PPP2R2C: variants seen among roughly 807,000 people sequenced by gnomAD.
PPP2R2C encodes protein phosphatase 2, regulatory subunit B, gamma.
A neutral mutation model predicts 45.3 loss-of-function variants in PPP2R2C; 10 were observed. That is an observed-to-expected ratio of 0.22 (90% CI 0.14 to 0.37). The LOEUF (loss-of-function observed/expected upper bound fraction) is 0.37, where lower values mean the gene tolerates loss of function less well. PPP2R2C is among the 10% of genes least tolerant of loss of function. The pLI is 1.00. For missense variants in PPP2R2C, 308 were observed against 619.7 expected (o/e 0.50, Z 5.34); for synonymous variants, 257 against 245.4 (o/e 1.05, Z -0.44).
At chr4:6,339,879 G>A (rs1466799663) in intron 6 of PPP2R2C, among the ~76,000 whole-genome samples, 1 of 152,220 alleles carries the variant, frequency 6.6e-6, no homozygotes, top group Non-Finnish European at 1.5e-5. Context: ...ACCTCAGGCC[G>A]CGCTCCAGGA....
At chr4:6,474,605 G>A (rs1462242092), upstream of PPP2R2C, among the ~76,000 whole-genome samples, 2 of 152,186 alleles carry the variant, frequency 1.3e-5, no homozygotes, top group African/African-American at 2.4e-5. Context: ...ACTCTGGCCT[G>A]ACACAGTACA....
intron 1 of PPP2R2C, among the ~76,000 whole-genome samples, chr4:6,434,027 T>A (rs962713262): frequency 6.6e-6 from 1 of 152,254 alleles, no homozygotes; most frequent in Admixed American, 6.5e-5. Context: ...GCAACCACTA[T>A]GAGCACTTTC....
chr4:6,541,608 G>T (rs1036062720), intron 1 of PPP2R2C, among the ~76,000 whole-genome samples: 1 of 152,088 alleles, frequency 6.6e-6, no homozygotes, highest in Non-Finnish European at 1.5e-5. Flanking sequence ...GTGCAGTGGC[G>T]CGATCTCAGC....
Position 6,528,226 on chromosome 4 carries a change from G to A in PPP2R2C, c.49+7045C>T, listed in dbSNP as rs188025419. Among the ~76,000 whole-genome samples, 130 of 152,336 alleles carry A rather than the reference G, an allele frequency of 8.5e-4. No individual in the cohort carries two copies. The Middle Eastern group carries it at 0.014, about 16-fold the overall frequency. On this transcript the variant is annotated intron_variant, in intron 2 of 9. Transcript: ENST00000506140. Reference sequence around the variant, plus strand: ...TTCCTCTTCCCGGCCTGCAAAGCCCGCCCTGGCTCTCCGGAAGGCCAGCTT... The same window carrying A: ...TTCCTCTTCCCGGCCTGCAAAGCCCACCCTGGCTCTCCGGAAGGCCAGCTT...
chr4:6,416,722 C>A (rs1344474023), intron 1 of PPP2R2C, among the ~76,000 whole-genome samples: 1 of 152,242 alleles, frequency 6.6e-6, no homozygotes, highest in African/African-American at 2.4e-5. Context: ...AGCAGCAGCA[C>A]TGGGCTCTGA....
intron 1 of PPP2R2C, among the ~76,000 whole-genome samples, chr4:6,401,880 C>T (rs1212999976): frequency 2.6e-5 from 4 of 152,138 alleles, no homozygotes; most frequent in Admixed American, 2.0e-4. Flanking sequence ...AGACACTGTA[C>T]TGGATGCCTT....
chr4:6,402,575 G>A (rs575085598), intron 1 of PPP2R2C, among the ~76,000 whole-genome samples: 56 of 152,172 alleles, frequency 3.7e-4, no homozygotes, highest in African/African-American at 1.3e-3. Context: ...ATGGGACCGC[G>A]CTAGGCCAGG....
upstream of PPP2R2C, among the ~76,000 whole-genome samples, chr4:6,473,093 T>C (rs1280996033): frequency 6.6e-6 from 1 of 151,848 alleles, no homozygotes; most frequent in Non-Finnish European, 1.5e-5. Context: ...ATTAAGTACA[T>C]GTGAAGAAGC....
At chr4:6,326,568 G>A (rs1731960582) in intron 8 of PPP2R2C, among the ~76,000 whole-genome samples, 1 of 152,202 alleles carries the variant, frequency 6.6e-6, no homozygotes, top group Admixed American at 6.5e-5. Context: ...AGTCCACGCA[G>A]GATCACTGCG....
intron 5 of PPP2R2C, among the ~76,000 whole-genome samples, chr4:6,357,751 C>T (rs1027310895): frequency 7.9e-5 from 12 of 152,174 alleles, no homozygotes; most frequent in Non-Finnish European, 1.3e-4. Flanking sequence ...GTGCTGGGTG[C>T]CCCCAGCTGT....
intron 1 of PPP2R2C, among the ~76,000 whole-genome samples, chr4:6,404,429 C>T (rs929937499): frequency 2.0e-5 from 3 of 152,204 alleles, no homozygotes; most frequent in African/African-American, 7.2e-5. Context: ...GTGCCAGCTG[C>T]TCCTGACCTC....
intron 1 of PPP2R2C, chr4:6,413,886 C>A: frequency 6.5e-7 from 1 of 1,536,080 alleles, no homozygotes; most frequent in Non-Finnish European, 8.7e-7. Context: ...TCATGATGCC[C>A]CACAGCCCCT....
intron 6 of PPP2R2C, among the ~76,000 whole-genome samples, chr4:6,344,503 C>A (rs541288288): frequency 6.6e-6 from 1 of 152,148 alleles, no homozygotes; most frequent in Admixed American, 6.5e-5. Context: ...GTCTGACTGC[C>A]CCCTCTAGCC....
intron 2 of PPP2R2C, among the ~76,000 whole-genome samples, chr4:6,519,555 G>T (rs1157843728): frequency 1.3e-5 from 2 of 152,232 alleles, no homozygotes; most frequent in Non-Finnish European, 2.9e-5. Flanking sequence ...CTTTGCATCT[G>T]CTGTTCCCTT....
At chr4:6,508,822 G>A (rs1456379612) in intron 2 of PPP2R2C, among the ~76,000 whole-genome samples, 1 of 152,150 alleles carries the variant, frequency 6.6e-6, no homozygotes, top group African/African-American at 2.4e-5. Context: ...CCCAAGTGCT[G>A]GCAGGCCACT....
chr4:6,369,573 T>C (rs1426462577), intron 5 of PPP2R2C, among the ~76,000 whole-genome samples: 2 of 152,226 alleles, frequency 1.3e-5, no homozygotes, highest in East Asian at 1.9e-4. Flanking sequence ...TGTGAATGAC[T>C]GGCATTCGGG....
At chr4:6,420,897 A>G in intron 1 of PPP2R2C, 2 of 968,944 alleles carry the variant, frequency 2.1e-6, no homozygotes. Flanking sequence ...GGGATGTGGT[A>G]GATGATGTCC....
At chr4:6,365,530 T>C (rs927396981) in intron 5 of PPP2R2C, among the ~76,000 whole-genome samples, 1 of 152,186 alleles carries the variant, frequency 6.6e-6, no homozygotes, top group African/African-American at 2.4e-5. Context: ...GCAGAAAGAC[T>C]GAGTGACTGA....
At chr4:6,367,159 T>C (rs1018861460) in intron 5 of PPP2R2C, among the ~76,000 whole-genome samples, 47 of 152,062 alleles carry the variant, frequency 3.1e-4, no homozygotes, top group African/African-American at 1.1e-3. Context: ...CCAGCAGAGA[T>C]GTCCTCTGAG....
Sources: allele counts gnomAD v4.1 joint callset (sites outside exome capture counted in the v4.1 genomes callset), GRCh38; gene constraint gnomAD v4.1.1; transcripts MANE v1.5; gene names NCBI Gene and HGNC (gene_info 2026-07-23, HGNC 2026-07-21).